Variants in DENND4C observed in about 807,000 individuals in gnomAD.
DENND4C encodes the protein DENN domain containing 4C.
Under a neutral mutation model 203.0 loss-of-function variants are expected in DENND4C, and 108 were observed. The observed-to-expected ratio is 0.53, with a 90% CI of 0.46 to 0.62. The LOEUF (loss-of-function observed/expected upper bound fraction) is 0.62. Ranked by LOEUF, DENND4C falls within the 20% of genes least tolerant of loss-of-function variation. The probability of loss-of-function intolerance (pLI) is 0.00; values close to 1 mark genes in which losing one functional copy is unlikely to be tolerated. For missense variants in DENND4C, 2,481 were observed against 2,301.2 expected (o/e 1.08, Z -1.60); for synonymous variants, 871 against 792.4 (o/e 1.10, Z -1.67).
chr9:19,347,606 T>C (rs527863655), intron 23 of DENND4C, among the ~76,000 whole-genome samples: 2 of 152,356 alleles, frequency 1.3e-5, no homozygotes, highest in South Asian at 4.1e-4. Flanking sequence ...TTAAAAACTA[T>C]GCATATTTGG....
intron 1 of DENND4C, among the ~76,000 whole-genome samples, chr9:19,260,625 T>G (rs1405262105): frequency 6.6e-6 from 1 of 152,194 alleles, no homozygotes; most frequent in Non-Finnish European, 1.5e-5. Flanking sequence ...CTTGAACTCC[T>G]CACCTAGGTG....
chr9:19,347,274 G>T (rs1823128906), intron 23 of DENND4C, among the ~76,000 whole-genome samples, 188 bp downstream of exon 23: 1 of 152,142 alleles, frequency 6.6e-6, no homozygotes, highest in African/African-American at 2.4e-5. Context: ...GGGTCTATAG[G>T]GGTGTGCCAC....
At chr9:19,254,275 T>TA (rs1187890481) in intron 1 of DENND4C, among the ~76,000 whole-genome samples, 2 of 152,236 alleles carry the variant, frequency 1.3e-5, no homozygotes, top group Admixed American at 6.5e-5. Context: ...ATTGAAGAGA[T>TA]ATCTGTACCC....
chr9:19,352,851 T>C (rs982537217), intron 26 of DENND4C, among the ~76,000 whole-genome samples, 186 bp downstream of exon 26: 17 of 152,158 alleles, frequency 1.1e-4, no homozygotes, highest in African/African-American at 4.1e-4. Flanking sequence ...AGTAAGATTA[T>C]CAGCCGGGCT....
At chr9:19,351,980 T>G in intron 24 of DENND4C, 93 bp from the exon 25 acceptor site, 1 of 991,644 alleles carries the variant, frequency 1.0e-6, no homozygotes, top group Non-Finnish European at 1.6e-6. Flanking sequence ...GTTGCAGACT[T>G]TATTCTGTGT....
intron 28 of DENND4C, among the ~76,000 whole-genome samples, chr9:19,359,082 A>C (rs1372335438): frequency 6.6e-6 from 1 of 151,848 alleles, no homozygotes; most frequent in South Asian, 2.1e-4. Context: ...GATTTTCAAA[A>C]GATAAAATTT....
In DENND4C at chr9:19,303,399, A is replaced by G. The variant is rs574921247; in HGVS notation, c.1312-1953A>G. ...CTGCCACTTGTTTCTATAAAGTTTT[A>G]TTGGAACACAGGCCATTTATTCATA... On this transcript the variant is annotated intron_variant, in intron 9 of 32. Transcript: ENST00000434457. Among the ~76,000 whole-genome samples, 9 of 152,294 alleles carry G rather than the reference A, an allele frequency of 5.9e-5. No homozygotes were observed. The South Asian group carries it at 1.9e-3, about 32-fold the overall frequency.
At position 19,296,088 on chromosome 9, in the gene DENND4C, G is replaced by T. The variant is rs763501710; in HGVS notation, c.882G>T (p.Leu294Phe). The change falls in exon 6 of 33, where the codon TTG becomes TTT. Residue 294 changes from leucine to phenylalanine, a missense_variant. Leu to Phe is a conservative substitution (Grantham distance 22). This residue lies in a region of DENND4C where 2,289 missense variants were observed against 2,113.3 expected (regional missense o/e 1.08). Coordinates refer to ENST00000434457, the MANE Select transcript of DENND4C (RefSeq NM_001330640.2). ...AGAAACAGCTTATGCACCTGGGCTT[G>T]TTGACGCCTGTGGAGAGAAAAATGG... Reference protein sequence around the residue: ...LSEKQLMHLGLLTPVERKMVS... With the variant: ...LSEKQLMHLGFLTPVERKMVS... 1.3e-5 allele frequency: 21 copies of T among 1,613,996 alleles called. No homozygotes were observed. Among genetic ancestry groups the T allele is most frequent in the East Asian group, 2.2e-5 (1 of 44,876 alleles).
chr9:19,280,060 C>T (rs941011325), intron 2 of DENND4C, among the ~76,000 whole-genome samples: 6 of 152,078 alleles, frequency 3.9e-5, no homozygotes, highest in Non-Finnish European at 5.9e-5. Flanking sequence ...ATGATGTTAA[C>T]AGCATAGGTG....
At chr9:19,316,393 A>C in intron 10 of DENND4C, 24 bp from the exon 11 acceptor site, 1 of 1,576,294 alleles carries the variant, frequency 6.3e-7, no homozygotes, top group East Asian at 2.2e-5. Flanking sequence ...AACACATTTT[A>C]TGAATTTTGT....
At chr9:19,255,795 G>C (rs116431083) in intron 1 of DENND4C, among the ~76,000 whole-genome samples, 1,686 of 152,312 alleles carry the variant, frequency 0.011, 28 homozygotes, top group African/African-American at 0.039. Context: ...TGCCATTCTC[G>C]TACTAGTTGA....
At chr9:19,371,600 ATAAC>A (rs796153023) in intron 31 of DENND4C, 152 bp from the exon 32 acceptor site, 19 of 461,444 alleles carry the variant, frequency 4.1e-5, no homozygotes, top group African/African-American at 3.7e-4. Flanking sequence ...GACACCTCAT[ATAAC>A]TAACTGTAAT....
rs1447525810 is a variant in DENND4C, at chr9:19,356,810, A to AGAGAGAGAGAGT, written c.4782-155_4782-154insAGAGTGAGAGAG. Among the ~76,000 whole-genome samples, 393 of 146,634 alleles carry AGAGAGAGAGAGT rather than the reference A, an allele frequency of 2.7e-3. 3 individuals carry two copies. Among genetic ancestry groups the AGAGAGAGAGAGT allele is most frequent in the South Asian group, 0.011 (52 of 4,570 alleles). ...GTGTGAGAGAGAGAGAGAGAGAGAG[A>AGAGAGAGAGAGT]GAGAGAGTGAGAGTGTATTGGAAAT... On this transcript the variant is annotated intron_variant, in intron 26 of 32. Coordinates refer to ENST00000434457, the MANE Select transcript of DENND4C (RefSeq NM_001330640.2).
At chr9:19,323,199 C>A (rs1843173184) in intron 12 of DENND4C, among the ~76,000 whole-genome samples, 1 of 152,146 alleles carries the variant, frequency 6.6e-6, no homozygotes, top group South Asian at 2.1e-4. Flanking sequence ...CTTTGGGAGG[C>A]CAAGGCGGGC....
At chr9:19,238,994 G>GT (rs1410381030) in intron 1 of DENND4C, among the ~76,000 whole-genome samples, 1 of 151,940 alleles carries the variant, frequency 6.6e-6, no homozygotes. Context: ...TAGAGGACCT[G>GT]TAACGATATG....
chr9:19,253,026 G>C (rs1288938137), intron 1 of DENND4C, among the ~76,000 whole-genome samples: 1 of 152,188 alleles, frequency 6.6e-6, no homozygotes, highest in East Asian at 1.9e-4. Flanking sequence ...GCGTGAGCCA[G>C]CATACCCAGC....
At chr9:19,272,518 A>G (rs568361088) in intron 1 of DENND4C, among the ~76,000 whole-genome samples, 15 of 152,198 alleles carry the variant, frequency 9.9e-5, no homozygotes, top group African/African-American at 3.6e-4. Context: ...CGGCCTCCCA[A>G]AGTGCTGGGA....
At chr9:19,243,188 T>C (rs571065091) in intron 1 of DENND4C, among the ~76,000 whole-genome samples, 83 of 152,306 alleles carry the variant, frequency 5.4e-4, no homozygotes, top group Non-Finnish European at 9.1e-4. Context: ...CACTAATTTA[T>C]TTTCTGACTT....
chr9:19,279,454 C>T (rs972122614), intron 2 of DENND4C, among the ~76,000 whole-genome samples: 1 of 152,068 alleles, frequency 6.6e-6, no homozygotes, highest in African/African-American at 2.4e-5. Flanking sequence ...GCAAGCCGAT[C>T]ACTTGTGGTC....
Sources: gnomAD v4.1 joint callset for allele counts (sites outside exome capture counted in the v4.1 genomes callset) on GRCh38, gnomAD v4.1.1 for gene constraint, gnomAD v4.1.1 regional missense constraint, MANE v1.5 for transcripts, NCBI Gene and HGNC (gene_info 2026-07-23, HGNC 2026-07-21) for gene names.